TTC7B: variants seen among roughly 807,000 people sequenced by gnomAD.
TTC7B encodes the protein tetratricopeptide repeat protein 7B.
TTC7B carries 28 observed loss-of-function variants against 106.8 expected under a neutral mutation model. That is an observed-to-expected ratio of 0.26 (90% confidence interval 0.19 to 0.36). The LOEUF (loss-of-function observed/expected upper bound fraction) is 0.36, where lower values mean the gene tolerates loss of function less well. Among genes scored for constraint, TTC7B ranks in the 10% least tolerant of loss-of-function variants. The pLI is 1.00. For synonymous variants in TTC7B, 405 were observed against 430.6 expected, an observed-to-expected ratio of 0.94 and a Z score of 0.74; for missense variants, 862 against 1,076.4, an observed-to-expected ratio of 0.80 and a Z score of 2.79.
chr14:90,812,439 G>A (rs917146487), intron 1 of TTC7B, among the ~76,000 whole-genome samples: 1 of 152,154 alleles, frequency 6.6e-6, no homozygotes, highest in African/African-American at 2.4e-5. Context: ...CTCCAAGCCA[G>A]GGCACCTCAG....
chr14:90,710,250 T>C (rs1888394750), intron 5 of TTC7B, among the ~76,000 whole-genome samples: 2 of 152,146 alleles, frequency 1.3e-5, no homozygotes, highest in Non-Finnish European at 2.9e-5. Flanking sequence ...ATGGTGATAA[T>C]AGCAAGAGAA....
intron 4 of TTC7B, among the ~76,000 whole-genome samples, chr14:90,736,304 G>A (rs1363462381): frequency 2.0e-5 from 3 of 152,100 alleles, no homozygotes; most frequent in African/African-American, 4.8e-5. Context: ...AGGAGGTCGG[G>A]TGCAGTGCCT....
chr14:90,811,934 G>A (rs1308474564), intron 1 of TTC7B, among the ~76,000 whole-genome samples: 1 of 152,226 alleles, frequency 6.6e-6, no homozygotes, highest in Non-Finnish European at 1.5e-5. Flanking sequence ...CATTGCAATA[G>A]GTGGGAGTCT....
At chr14:90,724,804 C>T (rs964188133) in intron 5 of TTC7B, among the ~76,000 whole-genome samples, 23 of 152,164 alleles carry the variant, frequency 1.5e-4, no homozygotes, top group African/African-American at 3.1e-4. Context: ...AGCCCTGGCA[C>T]GGATGGTACA....
At chr14:90,777,563 G>A (rs1763965992) in intron 3 of TTC7B, among the ~76,000 whole-genome samples, 1 of 152,166 alleles carries the variant, frequency 6.6e-6, no homozygotes, top group African/African-American at 2.4e-5. Flanking sequence ...AGGTCACCAG[G>A]GAAAAGTTGA....
chr14:90,578,129 G>C lies in TTC7B; in HGVS notation c.2287C>G (p.His763Asp). 1 of 1,612,072 alleles carries C rather than the reference G, an allele frequency of 6.2e-7. No individual in the cohort carries two copies. Among genetic ancestry groups the C allele is most frequent in the Non-Finnish European group, 8.5e-7 (1 of 1,179,246 alleles). Residue 763 changes from histidine to aspartate, a missense_variant, in exon 19 of 20, where the codon CAC becomes GAC. Physicochemically the swap from His to Asp is moderately conservative, Grantham distance 81 (BLOSUM62 -1). Coordinates refer to ENST00000328459, the MANE Select transcript of TTC7B (RefSeq NM_001010854.2). This position sits in a 1 kb window ranked among gnomAD's most constrained non-coding sequence, Gnocchi z 4.7. Reference protein sequence around the residue: ...YEEALAISPTHVKSMQRLALI... With the variant: ...YEEALAISPTDVKSMQRLALI... The stretch of plus-strand genomic sequence containing the variant: ...ACCAGTCGCTGCATGCTCTTCACGT[G>C]GGTGGGGCTGATGGCTAAGGCCTCT...
Position 90,618,006 on chromosome 14 carries a change from T to C in TTC7B, c.1791A>G (p.Arg597=). The change falls in exon 16 of 20, where the codon CGA becomes CGG. Residue 597 remains arginine, a synonymous_variant. Transcript: ENST00000328459. ...FSKVKLQSLC[R]GPDEALLTCK... ...AAGTCAGCAGTGCCTCGTCCGGGCC[T>C]CGGCAGAGTGACTGCAACTTCACTT... The C allele has an allele frequency of 6.2e-7, 1 of 1,613,844 alleles. No homozygotes were observed. The highest frequency in any genetic ancestry group is 1.1e-5 in the South Asian group (1 of 91,086).
chr14:90,563,204 T>C (rs1178168718), intron 19 of TTC7B, among the ~76,000 whole-genome samples: 4 of 152,138 alleles, frequency 2.6e-5, no homozygotes, highest in Non-Finnish European at 5.9e-5. Flanking sequence ...AATCAATAAC[T>C]GGTGACTGAG....
Position 90,537,244 on chromosome 14 carries a change from C to G in TTC7B, c.*4124G>C, listed in dbSNP as rs566896035. 6.6e-6 allele frequency: 1 copy of G among 152,214 alleles called. No homozygotes were observed. Among genetic ancestry groups the G allele is most frequent in the African/African-American group, 2.4e-5 (1 of 41,426 alleles). 9.4% of individuals were successfully genotyped at this position (152,214 alleles called of 1,614,324 possible). On this transcript the variant is annotated 3_prime_UTR_variant, in exon 20 of 20. Coordinates refer to ENST00000328459, the MANE Select transcript of TTC7B (RefSeq NM_001010854.2). ...TTGCTCTCTCATGCAGGCTGGACTG[C>G]GGTGGCGTGATCACTCACTGCAGCC...
chr14:90,559,309 T>C (rs908942299), intron 19 of TTC7B, among the ~76,000 whole-genome samples: 3 of 152,114 alleles, frequency 2.0e-5, no homozygotes, highest in South Asian at 2.1e-4. Context: ...GACCAGGGAA[T>C]TGGAAGAGTA....
chr14:90,700,151 C>T (rs983898448), intron 5 of TTC7B, among the ~76,000 whole-genome samples: 1 of 152,184 alleles, frequency 6.6e-6, no homozygotes, highest in African/African-American at 2.4e-5. Flanking sequence ...GGGGGCTTTG[C>T]TTATAGCGTG....
chr14:90,764,782 A>G (rs1890618570), intron 3 of TTC7B, among the ~76,000 whole-genome samples: 1 of 152,202 alleles, frequency 6.6e-6, no homozygotes, highest in Non-Finnish European at 1.5e-5. Context: ...ACACTCTAGG[A>G]TGGCTATAAT....
chr14:90,755,950 T>C (rs1890279354), intron 3 of TTC7B, among the ~76,000 whole-genome samples: 2 of 152,252 alleles, frequency 1.3e-5, no homozygotes, highest in South Asian at 4.1e-4. Flanking sequence ...TCAATTTGTT[T>C]TGAGGGGTAG....
chr14:90,561,223 C>A (rs926348088), intron 19 of TTC7B, among the ~76,000 whole-genome samples: 1 of 152,210 alleles, frequency 6.6e-6, no homozygotes, highest in African/African-American at 2.4e-5. Context: ...CTGGCTCCCC[C>A]GAGGGGCTGG....
chr14:90,755,067 T>C (rs1379167147), intron 3 of TTC7B, among the ~76,000 whole-genome samples: 1 of 152,232 alleles, frequency 6.6e-6, no homozygotes, highest in Non-Finnish European at 1.5e-5. Flanking sequence ...CCGAATAATA[T>C]TCCATTATAC....
At chr14:90,620,633 C>A (rs1893273271) in intron 15 of TTC7B, among the ~76,000 whole-genome samples, 1 of 152,164 alleles carries the variant, frequency 6.6e-6, no homozygotes, top group African/African-American at 2.4e-5. Flanking sequence ...CTCTGGGGGC[C>A]ATGCCAAGAA....
chr14:90,535,612 A>C lies in TTC7B; in HGVS notation c.*5756T>G, dbSNP rs181085073. 485 of 152,322 alleles carry C rather than the reference A, an allele frequency of 3.2e-3. 2 individuals are homozygous for C. The highest frequency in any genetic ancestry group is 6.0e-3 in the South Asian group (29 of 4,802). 9.4% of individuals were successfully genotyped at this position (152,322 alleles called of 1,614,324 possible). A position where few individuals can be genotyped will look rare whatever the true frequency, so the allele number is the denominator to read the frequency against. ...CGGCCCCTTCCCCACCGGACTCCTAACCTGTGTTCTCAGCTCCCCTCTGCA... is the reference window on the plus strand; with the variant it reads ...CGGCCCCTTCCCCACCGGACTCCTACCCTGTGTTCTCAGCTCCCCTCTGCA... On this transcript the variant is annotated 3_prime_UTR_variant, in exon 20 of 20. Coordinates refer to ENST00000328459, the MANE Select transcript of TTC7B (RefSeq NM_001010854.2).
chr14:90,734,661 C>T (rs1186759619), intron 4 of TTC7B, among the ~76,000 whole-genome samples: 3 of 152,182 alleles, frequency 2.0e-5, no homozygotes, highest in African/African-American at 4.8e-5. Flanking sequence ...CCTGAACTCC[C>T]ACACTGGCCC....
Position 90,689,698 on chromosome 14 carries a change from C to A in TTC7B, c.792G>T (p.Gln264His), listed in dbSNP as rs746508536. 1 of 1,614,008 alleles carries A rather than the reference C, an allele frequency of 6.2e-7. No individual in the cohort carries two copies. Among genetic ancestry groups the A allele is most frequent in the Non-Finnish European group, 8.5e-7 (1 of 1,179,972 alleles). ...TACCCCGCAACAAGATCTCTGCCAG[C>A]TGCCTGGCTATTGTCTGGGAACATA... ...TQNLRMTIAR[Q>H]LAEILLRGMC... The change falls in exon 7 of 20, where the codon CAG (glutamine) becomes CAT (histidine). Residue 264 changes from glutamine to histidine, a missense_variant. Coordinates refer to ENST00000328459, the MANE Select transcript of TTC7B (RefSeq NM_001010854.2).
Sources: gnomAD v4.1 joint callset for allele counts (sites outside exome capture counted in the v4.1 genomes callset) on GRCh38, gnomAD v4.1.1 for gene constraint, Gnocchi (gnomAD v3.1) non-coding constraint, MANE v1.5 for transcripts, NCBI Gene and HGNC (gene_info 2026-07-23, HGNC 2026-07-21) for gene names.